Variants in PGS1 observed in about 807,000 individuals in gnomAD.
PGS1 encodes phosphatidylglycerophosphate synthase 1.
Under a neutral mutation model 58.3 loss-of-function variants are expected in PGS1, and 44 were observed. That is an observed-to-expected ratio of 0.75 (90% confidence interval 0.59 to 0.97). PGS1 has a LOEUF of 0.97. Ranked by LOEUF, PGS1 falls within the 50% of genes least tolerant of loss-of-function variation. The pLI is 0.00. For missense variants in PGS1, 684 were observed against 731.1 expected (o/e 0.94, Z 0.74); for synonymous variants, 330 against 311.0 (o/e 1.06, Z -0.64).
intron 1 of PGS1, among the ~76,000 whole-genome samples, chr17:78,387,630 C>T (rs1391090703): frequency 6.3e-5 from 8 of 126,202 alleles, no homozygotes; most frequent in Non-Finnish European, 1.1e-4. Flanking sequence ...GGTGGAGTTT[C>T]GCTCTGTCGC....
At chr17:78,397,945 C>A in intron 3 of PGS1, 1 of 467,918 alleles carries the variant, frequency 2.1e-6, no homozygotes, top group Non-Finnish European at 4.1e-6. Context: ...TTGAAATGTA[C>A]GTGAGACCTG....
chr17:78,422,779 G>A (rs147985777), intron 9 of PGS1, among the ~76,000 whole-genome samples: 2,822 of 152,208 alleles, frequency 0.019, 301 homozygotes, highest in Admixed American at 0.17. Context: ...CTGCTGCAGC[G>A]GCCTGCTTTT....
At chr17:78,410,212 G>T (rs2146280348) in intron 7 of PGS1, among the ~76,000 whole-genome samples, 1 of 152,278 alleles carries the variant, frequency 6.6e-6, no homozygotes, top group South Asian at 2.1e-4. Flanking sequence ...TGGATCACCT[G>T]AGGTCAGGAG....
chr17:78,398,627 A>G (rs989109498), intron 4 of PGS1, among the ~76,000 whole-genome samples: 8 of 152,236 alleles, frequency 5.3e-5, no homozygotes, highest in Non-Finnish European at 1.0e-4. Flanking sequence ...TGCTTGAGCC[A>G]GGAGTTTGAG....
intron 7 of PGS1, among the ~76,000 whole-genome samples, chr17:78,413,492 A>G (rs1228357899): frequency 6.6e-6 from 1 of 151,978 alleles, no homozygotes; most frequent in African/African-American, 2.4e-5. Context: ...CTTAAACTTG[A>G]TCACACCTGC....
intron 1 of PGS1, among the ~76,000 whole-genome samples, chr17:78,382,353 G>T (rs568664481): frequency 1.2e-4 from 19 of 152,244 alleles, no homozygotes; most frequent in African/African-American, 4.3e-4. Flanking sequence ...AGATGGTGGG[G>T]GCTTTTATAT....
At chr17:78,422,946 A>T (rs1394546058) in intron 9 of PGS1, among the ~76,000 whole-genome samples, 2 of 151,978 alleles carry the variant, frequency 1.3e-5, no homozygotes, top group Non-Finnish European at 2.9e-5. Flanking sequence ...AAATAAAAAA[A>T]TTAGCTGCGT....
At chr17:78,381,281 A>G (rs987593891) in intron 1 of PGS1, among the ~76,000 whole-genome samples, 6 of 152,090 alleles carry the variant, frequency 3.9e-5, no homozygotes, top group Non-Finnish European at 8.8e-5. Flanking sequence ...GCTGAGAGAG[A>G]TGATTGTTTC....
At chr17:78,423,895 G>A in intron 9 of PGS1, 166 bp from the exon 10 acceptor site, 1 of 1,613,632 alleles carries the variant, frequency 6.2e-7, no homozygotes, top group Non-Finnish European at 8.5e-7. Flanking sequence ...GGGCTGTGAG[G>A]CAGGAGCGAG....
intron 8 of PGS1, among the ~76,000 whole-genome samples, chr17:78,416,360 A>G (rs551788920): frequency 1.6e-3 from 241 of 152,340 alleles, no homozygotes; most frequent in African/African-American, 5.7e-3. Flanking sequence ...CTGGACTTCT[A>G]CTTCAATTGC....
chr17:78,390,017 GCT>G (rs2082701817), intron 1 of PGS1, among the ~76,000 whole-genome samples: 2 of 152,204 alleles, frequency 1.3e-5, no homozygotes, highest in African/African-American at 4.8e-5. Context: ...TGGCAGAAAT[GCT>G]GTGAGGCAGG....
chr17:78,410,914 G>C (rs1003977475), intron 7 of PGS1, among the ~76,000 whole-genome samples: 1 of 152,146 alleles, frequency 6.6e-6, no homozygotes, highest in Non-Finnish European at 1.5e-5. Context: ...TGGGTCACTG[G>C]GTACCAGACA....
In PGS1 at chr17:78,412,316, T is replaced by C. The variant is rs116190693; in HGVS notation, c.1403-2563T>C. On this transcript the variant is annotated intron_variant, in intron 7 of 9. Transcript: ENST00000262764. ...CAAATAATTCTGGCGGGGAAGTTGT[T>C]GGGCAGTCTCAGGTATGTTGAAAAC... 4.7e-3 allele frequency among the ~76,000 whole-genome samples: 716 copies of C among 152,276 alleles called. 8 individuals are homozygous for C. Among genetic ancestry groups the C allele is most frequent in the African/African-American group, 0.016 (668 of 41,556 alleles).
chr17:78,409,593 C>A lies in PGS1; in HGVS notation c.1403-5286C>A, dbSNP rs534773410. Among the ~76,000 whole-genome samples, 5 of 152,338 alleles carry A rather than the reference C, an allele frequency of 3.3e-5. No individual in the cohort carries two copies. The South Asian group carries it at 1.0e-3, about 32-fold the overall frequency. On this transcript the variant is annotated intron_variant, in intron 7 of 9. Transcript: ENST00000262764. ...CAAATTGCTTGCTTCAGGCTGAGCACACACACCAGCCTGTGGGCCCTTACA... is the reference window on the plus strand; with the variant it reads ...CAAATTGCTTGCTTCAGGCTGAGCAAACACACCAGCCTGTGGGCCCTTACA...
rs371157574 is a variant in PGS1 at position 78,414,279 on chromosome 17, T to C, written c.1403-600T>C. Among the ~76,000 whole-genome samples the C allele has an allele frequency of 4.6e-5, 7 of 152,312 alleles. No homozygotes were observed. The East Asian group carries it at 9.6e-4, about 21-fold the overall frequency. On this transcript the variant is annotated intron_variant, in intron 7 of 9. Transcript: ENST00000262764. ...GGCAGACCTGTTCTTACCAGCCACTTTTGCCACCCCGCGTGACAACCCCAC... is the reference window on the plus strand; with the variant it reads ...GGCAGACCTGTTCTTACCAGCCACTCTTGCCACCCCGCGTGACAACCCCAC...
chr17:78,378,910 T>A, intron 1 of PGS1, 102 bp downstream of exon 1: 1 of 1,235,386 alleles, frequency 8.1e-7, no homozygotes, highest in Non-Finnish European at 1.0e-6. Context: ...CCGCAGCGAG[T>A]CCCTCCCCGG....
intron 1 of PGS1, among the ~76,000 whole-genome samples, chr17:78,385,047 G>A (rs1228225852): frequency 1.4e-4 from 21 of 152,252 alleles, no homozygotes; most frequent in Admixed American, 1.4e-3. Flanking sequence ...AGCACGCGCA[G>A]CTGCAGAACG....
In PGS1 at chr17:78,396,298, C is replaced by A. The variant is rs1197477804; in HGVS notation, c.334-10C>A. On this transcript the variant is annotated splice_polypyrimidine_tract_variant and intron_variant, in intron 2 of 9. Transcript: ENST00000262764. ...ATGAATTTGAATTTTGAATTTTTCT[C>A]CTCTCTCAGGGGCAGATAAGAGTAG... 6.2e-7 allele frequency: 1 copy of A among 1,607,652 alleles called. No individual in the cohort carries two copies. The highest frequency in any genetic ancestry group is 1.7e-5 in the Admixed American group (1 of 60,012).
intron 1 of PGS1, among the ~76,000 whole-genome samples, chr17:78,389,402 T>G (rs543064048): frequency 2.6e-5 from 4 of 151,608 alleles, no homozygotes; most frequent in East Asian, 3.9e-4. Flanking sequence ...GGCCAGGCTG[T>G]TCTCGAACTG....
Sources: gnomAD v4.1 joint callset for allele counts (sites outside exome capture counted in the v4.1 genomes callset) on GRCh38, gnomAD v4.1.1 for gene constraint, MANE v1.5 for transcripts, NCBI Gene and HGNC (gene_info 2026-07-23, HGNC 2026-07-21) for gene names.